RTN1: variants seen among roughly 807,000 people sequenced by gnomAD.
The protein encoded by RTN1 is reticulon-1.
RTN1 carries 25 observed loss-of-function variants against 65.5 expected under a neutral mutation model. The observed-to-expected ratio is 0.38, with a 90% CI of 0.28 to 0.53. The LOEUF is 0.53. Ranked by LOEUF, RTN1 falls within the 20% of genes least tolerant of loss-of-function variation. The pLI, the probability that RTN1 is intolerant of heterozygous loss-of-function variation, is 0.79. For missense variants in RTN1, 983 were observed against 1,025.4 expected, an observed-to-expected ratio of 0.96 and a Z score of 0.57; for synonymous variants, 471 against 447.6, an observed-to-expected ratio of 1.05 and a Z score of -0.66.
chr14:59,769,317 G>A (rs1360040667), intron 1 of RTN1, among the ~76,000 whole-genome samples: 1 of 152,088 alleles, frequency 6.6e-6, no homozygotes, highest in Admixed American at 6.5e-5. Flanking sequence ...ATGCTTTTTG[G>A]TTTGGCACCT....
At chr14:59,860,490 T>C (rs1477958254) in intron 1 of RTN1, among the ~76,000 whole-genome samples, 2 of 152,128 alleles carry the variant, frequency 1.3e-5, no homozygotes, top group East Asian at 1.9e-4. Flanking sequence ...AAAAGAGAAA[T>C]GTAGGGTCAG....
intron 3 of RTN1, among the ~76,000 whole-genome samples, chr14:59,666,857 C>G (rs577014502): frequency 6.6e-6 from 1 of 150,746 alleles, no homozygotes; most frequent in Non-Finnish European, 1.5e-5. Flanking sequence ...TGGATAAATT[C>G]CTGCACACAT....
chr14:59,663,479 A>T (rs1883295747), intron 3 of RTN1, among the ~76,000 whole-genome samples: 1 of 152,214 alleles, frequency 6.6e-6, no homozygotes, highest in Non-Finnish European at 1.5e-5. Flanking sequence ...AAAATTGACA[A>T]ATGGGATCTA....
intron 1 of RTN1, among the ~76,000 whole-genome samples, chr14:59,796,344 T>C (rs1886439148): frequency 6.6e-6 from 1 of 152,164 alleles, no homozygotes; most frequent in Non-Finnish European, 1.5e-5. Context: ...AATGACCTAA[T>C]CTCAGAACGT....
At chr14:59,761,748 C>T (rs1885752522) in intron 1 of RTN1, among the ~76,000 whole-genome samples, 1 of 152,180 alleles carries the variant, frequency 6.6e-6, no homozygotes, top group Non-Finnish European at 1.5e-5. Flanking sequence ...TGTAGAGGTA[C>T]AGCCAGCCCA....
intron 2 of RTN1, among the ~76,000 whole-genome samples, chr14:59,734,010 G>A (rs1366974981): frequency 2.0e-5 from 3 of 152,206 alleles, no homozygotes; most frequent in Non-Finnish European, 4.4e-5. Context: ...ACTCCCCTGG[G>A]ATGGAGCTTC....
At chr14:59,759,127 C>T (rs1885698571) in intron 1 of RTN1, among the ~76,000 whole-genome samples, 1 of 151,992 alleles carries the variant, frequency 6.6e-6, no homozygotes, top group South Asian at 2.1e-4. Context: ...ATGGCATTGT[C>T]AGAAAAAAAC....
At chr14:59,614,725 G>A (rs1026305024) in intron 3 of RTN1, among the ~76,000 whole-genome samples, 7 of 152,238 alleles carry the variant, frequency 4.6e-5, no homozygotes, top group Admixed American at 4.6e-4. Context: ...GGGGACATAC[G>A]GAAAGCCAAG....
intron 3 of RTN1, among the ~76,000 whole-genome samples, chr14:59,724,714 CTG>C (rs1450425802): frequency 3.6e-5 from 5 of 140,738 alleles, no homozygotes; most frequent in Non-Finnish European, 7.5e-5. Context: ...AAGTGAAACT[CTG>C]TGTCAGACGA....
chr14:59,711,441 G>A (rs953403713), intron 3 of RTN1, among the ~76,000 whole-genome samples: 5 of 152,142 alleles, frequency 3.3e-5, no homozygotes, highest in African/African-American at 4.8e-5. Flanking sequence ...CACATATAAT[G>A]TTCTCTTCTT....
chr14:59,819,192 C>A (rs375467059), intron 1 of RTN1, among the ~76,000 whole-genome samples: 1 of 152,110 alleles, frequency 6.6e-6, no homozygotes, highest in East Asian at 1.9e-4. Flanking sequence ...ACAAAAGTGG[C>A]GCGGACCTGA....
intron 3 of RTN1, among the ~76,000 whole-genome samples, chr14:59,694,275 A>G (rs1884018371): frequency 6.6e-6 from 1 of 152,178 alleles, no homozygotes; most frequent in African/African-American, 2.4e-5. Context: ...TAGTGTAATA[A>G]TTAAAAGCAT....
intron 1 of RTN1, among the ~76,000 whole-genome samples, chr14:59,795,603 C>T (rs1403412514): frequency 6.6e-6 from 1 of 152,144 alleles, no homozygotes; most frequent in Non-Finnish European, 1.5e-5. Flanking sequence ...TAGTGTTCAT[C>T]TACATATTTA....
chr14:59,716,677 T>G (rs1039406284), intron 3 of RTN1, among the ~76,000 whole-genome samples: 1 of 151,440 alleles, frequency 6.6e-6, no homozygotes. Context: ...GTGGTGTGAG[T>G]GAGAAGAAGT....
chr14:59,764,160 G>A lies in RTN1; in HGVS notation c.242-17679C>T, dbSNP rs558076743. Among the ~76,000 whole-genome samples the A allele has an allele frequency of 4.6e-5, 7 of 152,218 alleles. No individual in the cohort carries two copies. The South Asian group carries it at 1.5e-3, about 32-fold the overall frequency. On this transcript the variant is annotated intron_variant, in intron 1 of 8. Transcript: ENST00000267484. ...AACTCAGGCCAGAGGGAGTGGTGAG[G>A]GTTATGGAGCCACTGTGAGGGTATT... is the stretch of plus-strand genomic sequence containing the variant.
At chr14:59,802,995 G>GAA (rs34869010) in intron 1 of RTN1, among the ~76,000 whole-genome samples, 7 of 143,502 alleles carry the variant, frequency 4.9e-5, no homozygotes, top group East Asian at 4.0e-4. Flanking sequence ...AGCTTTCACT[G>GAA]AAAAAAAAAA....
chr14:59,631,187 C>T (rs540700658), intron 3 of RTN1, among the ~76,000 whole-genome samples: 1 of 152,318 alleles, frequency 6.6e-6, no homozygotes, highest in African/African-American at 2.4e-5. Flanking sequence ...CCTTTGTTGG[C>T]AAGCAACAAT....
chr14:59,864,437 T>C (rs1887762855), intron 1 of RTN1, among the ~76,000 whole-genome samples: 1 of 152,166 alleles, frequency 6.6e-6, no homozygotes, highest in South Asian at 2.1e-4. Flanking sequence ...TCTTTGACTA[T>C]CCCTCTCATT....
Position 59,607,485 on chromosome 14 carries a change from G to T in RTN1, c.1773C>A (p.Asp591Glu). The T allele has an allele frequency of 1.2e-6, 2 of 1,605,360 alleles. No individual in the cohort carries two copies. Among genetic ancestry groups the T allele is most frequent in the South Asian group, 1.1e-5 (1 of 89,880 alleles). ...LLFLNKQKAI[D>E]LLYWRDIKQT... Reference sequence around the variant, plus strand: ...GCTTGATGTCCCGCCAATACAACAGGTCAATAGCTGCAGGAGACACCAAAC... The same window carrying T: ...GCTTGATGTCCCGCCAATACAACAGTTCAATAGCTGCAGGAGACACCAAAC... The change falls in exon 4 of 9, where the codon GAC becomes GAA. Residue 591 changes from aspartate (D) to glutamate (E), a missense_variant. Coordinates refer to ENST00000267484, the MANE Select transcript of RTN1 (RefSeq NM_021136.3).
Sources: allele counts gnomAD v4.1 joint callset (sites outside exome capture counted in the v4.1 genomes callset), GRCh38; gene constraint gnomAD v4.1.1; transcripts MANE v1.5; gene names NCBI Gene and HGNC (gene_info 2026-07-23, HGNC 2026-07-21).